Variants in DYM observed in about 807,000 individuals in gnomAD.
The protein encoded by DYM is dymeclin.
In DYM, 78 loss-of-function variants were observed where a neutral mutation model predicts 93.1. That is an observed-to-expected ratio of 0.84 (90% CI 0.70 to 1.01). DYM has a LOEUF of 1.01. DYM is among the 50% of genes least tolerant of loss of function. The probability of loss-of-function intolerance (pLI) is 0.00; values close to 1 mark genes in which losing one functional copy is unlikely to be tolerated. For synonymous variants in DYM, 321 were observed against 319.7 expected, an observed-to-expected ratio of 1.00 and a Z score of -0.04; for missense variants, 789 against 845.0, an observed-to-expected ratio of 0.93 and a Z score of 0.82.
intron 15 of DYM, among the ~76,000 whole-genome samples, chr18:49,120,727 T>C (rs570063333): frequency 7.9e-5 from 12 of 152,220 alleles, no homozygotes; most frequent in Non-Finnish European, 1.5e-4. Context: ...TAAAAAATAT[T>C]GACTATCTGG....
intron 16 of DYM, among the ~76,000 whole-genome samples, chr18:49,115,736 T>G (rs1299055566): frequency 6.6e-6 from 1 of 152,154 alleles, no homozygotes; most frequent in Non-Finnish European, 1.5e-5. Flanking sequence ...AATAAACAAA[T>G]GTAAGAAAAT....
chr18:49,159,712 T>A (rs1014078869), intron 15 of DYM, among the ~76,000 whole-genome samples: 2 of 152,084 alleles, frequency 1.3e-5, no homozygotes, highest in African/African-American at 4.8e-5. Context: ...TGAGACCCAA[T>A]CTCTACATTT....
chr18:49,098,508 G>C (rs1304978932), intron 16 of DYM, among the ~76,000 whole-genome samples: 1 of 152,206 alleles, frequency 6.6e-6, no homozygotes, highest in Non-Finnish European at 1.5e-5. Context: ...AAGGTAAAGA[G>C]ACTTAGCTGG....
chr18:49,231,082 T>C lies in DYM; in HGVS notation c.1461-21367A>G, dbSNP rs1019006177. On this transcript the variant is annotated intron_variant, in intron 13 of 17. Transcript: ENST00000675505. ...AGATAGATATATTAGCTTAGACTAC[T>C]ACACTGCCTTTTGAGAAGTTCAAAG... Among the ~76,000 whole-genome samples, 75 of 152,234 alleles carry C rather than the reference T, an allele frequency of 4.9e-4. 1 individual carries two copies. The highest frequency in any genetic ancestry group is 1.7e-3 in the African/African-American group (71 of 41,466).
intron 13 of DYM, among the ~76,000 whole-genome samples, chr18:49,226,490 T>C (rs530589007): frequency 5.3e-5 from 8 of 152,286 alleles, no homozygotes; most frequent in Admixed American, 1.3e-4. Context: ...TGGCTTGAAG[T>C]TGTATTTCAA....
At chr18:49,328,572 TA>T (rs768139520) in intron 8 of DYM, among the ~76,000 whole-genome samples, 13 of 151,934 alleles carry the variant, frequency 8.6e-5, no homozygotes, top group Non-Finnish European at 1.6e-4. Context: ...ACAAAGAACT[TA>T]AACAAATTTA....
intron 2 of DYM, among the ~76,000 whole-genome samples, chr18:49,415,922 T>C (rs2072922459): frequency 8.0e-6 from 1 of 124,666 alleles, no homozygotes; most frequent in Non-Finnish European, 1.7e-5. Context: ...AGCGAAACTC[T>C]GACTCAAAAA....
chr18:49,080,027 C>A (rs1431155981), intron 17 of DYM, among the ~76,000 whole-genome samples: 4 of 150,210 alleles, frequency 2.7e-5, no homozygotes, highest in Non-Finnish European at 5.9e-5. Context: ...GCTGGCTGGG[C>A]AGAGGGGTGC....
chr18:49,451,520 A>T (rs1180341764), intron 1 of DYM, among the ~76,000 whole-genome samples: 1 of 152,194 alleles, frequency 6.6e-6, no homozygotes. Context: ...TTATCTTGGG[A>T]CCTTAAGAGA....
chr18:49,070,394 G>T (rs549501728), intron 17 of DYM, among the ~76,000 whole-genome samples: 2 of 152,278 alleles, frequency 1.3e-5, no homozygotes, highest in East Asian at 3.9e-4. Flanking sequence ...GCCCCAGACT[G>T]CAGGACTGGG....
intron 17 of DYM, among the ~76,000 whole-genome samples, chr18:49,095,204 T>C (rs1158298332): frequency 1.3e-5 from 2 of 152,220 alleles, no homozygotes; most frequent in African/African-American, 2.4e-5. Context: ...CAACTTTAGA[T>C]ACCGTGGTAT....
At chr18:49,232,603 CTTTT>C (rs777802663) in intron 13 of DYM, among the ~76,000 whole-genome samples, 12 of 94,412 alleles carry the variant, frequency 1.3e-4, no homozygotes, top group African/African-American at 2.2e-4. Context: ...TGCCCGGCCT[CTTTT>C]TTTTTTTTTT....
rs1186434799 is a variant in DYM, at chr18:49,441,025, TTA to T, written c.-53-10580_-53-10579del. Among the ~76,000 whole-genome samples the T allele has an allele frequency of 4.3e-4, 2 of 4,680 alleles. 1 individual carries two copies. Among genetic ancestry groups the T allele is most frequent in the Non-Finnish European group, 9.6e-4 (2 of 2,082 alleles). The allele number at this position is 4,680 out of a possible 152,430, so 3.1% of individuals were successfully genotyped here. A position where few individuals can be genotyped will look rare whatever the true frequency, so the allele number is the denominator to read the frequency against. On this transcript the variant is annotated intron_variant, in intron 1 of 17. Transcript: ENST00000675505. Reference sequence around the variant, plus strand: ...TTTATATATTATATATTATATATATTTATATATAATATATAAATATATAATAT... The same window carrying T: ...TTTATATATTATATATTATATATATTTATATAATATATAAATATATAATAT...
At chr18:49,440,217 A>G (rs543290202) in intron 1 of DYM, among the ~76,000 whole-genome samples, 4 of 142,666 alleles carry the variant, frequency 2.8e-5, no homozygotes, top group Admixed American at 1.5e-4. Flanking sequence ...TTCTGTTCTA[A>G]CACCCTCAAA....
chr18:49,230,974 TG>T (rs1459451413), intron 13 of DYM, among the ~76,000 whole-genome samples: 1 of 152,158 alleles, frequency 6.6e-6, no homozygotes, highest in Non-Finnish European at 1.5e-5. Context: ...AATAATCAAA[TG>T]GGTCCATTAT....
chr18:49,232,870 A>G (rs2093747909), intron 13 of DYM, among the ~76,000 whole-genome samples: 2 of 151,838 alleles, frequency 1.3e-5, no homozygotes, highest in African/African-American at 4.8e-5. Flanking sequence ...CAGCCTCCCA[A>G]AAGTGCTGGG....
chr18:49,377,418 G>A (rs983984360), intron 5 of DYM, among the ~76,000 whole-genome samples: 2 of 151,962 alleles, frequency 1.3e-5, no homozygotes, highest in Non-Finnish European at 2.9e-5. Flanking sequence ...AAATTAGCTG[G>A]GCTTGGTGGA....
intron 1 of DYM, among the ~76,000 whole-genome samples, chr18:49,438,215 T>A (rs1012983986): frequency 1.3e-5 from 2 of 152,106 alleles, no homozygotes; most frequent in African/African-American, 4.8e-5. Context: ...AAGAACACTA[T>A]GAAATCTTTC....
chr18:49,290,203 A>G lies in DYM; in HGVS notation c.764-3587T>C, dbSNP rs149346910. Among the ~76,000 whole-genome samples the G allele has an allele frequency of 8.7e-4, 132 of 152,216 alleles. 1 individual carries two copies. The highest frequency in any genetic ancestry group is 3.1e-3 in the African/African-American group (129 of 41,544). On this transcript the variant is annotated intron_variant, in intron 8 of 17. Transcript: ENST00000675505. The stretch of plus-strand genomic sequence containing the variant: ...AATGCTCACCAGTAACAATGGTGAC[A>G]TAAACTATGGTTAAACTATACCATG...
Sources: gnomAD v4.1 joint callset for allele counts (sites outside exome capture counted in the v4.1 genomes callset) on GRCh38, gnomAD v4.1.1 for gene constraint, MANE v1.5 for transcripts, NCBI Gene and HGNC (gene_info 2026-07-23, HGNC 2026-07-21) for gene names.